The following NSMCE2 variants were observed in gnomAD, a reference collection of about 807,000 sequenced individuals.
NSMCE2 encodes the protein E3 SUMO-protein ligase NSE2.
A neutral mutation model predicts 23.8 loss-of-function variants in NSMCE2; 24 were observed. The ratio of observed to expected loss-of-function variants is 1.01; its 90% confidence interval spans 0.73 to 1.42. The LOEUF is 1.42. NSMCE2 is among the 40% of genes most tolerant of loss of function. The pLI is 0.00. For synonymous variants in NSMCE2, 92 were observed against 94.1 expected, an observed-to-expected ratio of 0.98 and a Z score of 0.13; for missense variants, 284 against 296.5, an observed-to-expected ratio of 0.96 and a Z score of 0.31.
chr8:125,203,482 A>T (rs1183537668), intron 5 of NSMCE2, among the ~76,000 whole-genome samples: 1 of 152,218 alleles, frequency 6.6e-6, no homozygotes, highest in Non-Finnish European at 1.5e-5. Context: ...TCCTACCCCT[A>T]CCTTGTAAAT....
chr8:125,275,006 A>C (rs1303905995), intron 5 of NSMCE2, among the ~76,000 whole-genome samples: 1 of 5,700 alleles, frequency 1.8e-4, no homozygotes. Flanking sequence ...GATGATAATA[A>C]TAATAATAAT....
At chr8:125,315,017 A>T (rs188407997) in intron 5 of NSMCE2, among the ~76,000 whole-genome samples, 7 of 152,314 alleles carry the variant, frequency 4.6e-5, no homozygotes, top group Non-Finnish European at 1.0e-4. Context: ...AAGGAGATAT[A>T]ATTAGGCACA....
chr8:125,172,932 G>A (rs1822291752), intron 4 of NSMCE2, among the ~76,000 whole-genome samples: 1 of 152,066 alleles, frequency 6.6e-6, no homozygotes, highest in African/African-American at 2.4e-5. Flanking sequence ...CATTCACAGG[G>A]GTGAGGAAGG....
At chr8:125,348,715 A>G (rs1812890536) in intron 5 of NSMCE2, 1 of 151,276 alleles carries the variant, frequency 6.6e-6, no homozygotes, top group Non-Finnish European at 1.5e-5. Flanking sequence ...GCCATGTAAG[A>G]CGTCCTTTTT....
intron 5 of NSMCE2, among the ~76,000 whole-genome samples, chr8:125,183,629 T>C (rs2130807048): frequency 7.2e-6 from 1 of 139,040 alleles, no homozygotes; most frequent in East Asian, 2.0e-4. Flanking sequence ...TATTTATTAC[T>C]CAGTGGTGTG....
chr8:125,207,267 C>T lies in NSMCE2; in HGVS notation c.418+25011C>T, dbSNP rs192178455. On this transcript the variant is annotated intron_variant, in intron 5 of 7. Coordinates refer to ENST00000287437, the MANE Select transcript of NSMCE2 (RefSeq NM_173685.4). ...TTAAAGCAATAAAGAGTAAAGGTCA[C>T]ACCTGACTTCTCTTGTCTAATTTTA... 8.2e-4 allele frequency among the ~76,000 whole-genome samples: 125 copies of T among 151,984 alleles called. 1 individual carries two copies. In the Middle Eastern group the frequency reaches 0.017, roughly 21 times the overall value.
chr8:125,282,418 C>G (rs1026736155), intron 5 of NSMCE2, among the ~76,000 whole-genome samples: 1 of 152,052 alleles, frequency 6.6e-6, no homozygotes, highest in Non-Finnish European at 1.5e-5. Context: ...CCGGCAAGAT[C>G]CCTTAATTTT....
At chr8:125,276,744 A>G (rs1398089458) in intron 5 of NSMCE2, among the ~76,000 whole-genome samples, 1 of 152,196 alleles carries the variant, frequency 6.6e-6, no homozygotes, top group Non-Finnish European at 1.5e-5. Context: ...TAATAACCCA[A>G]TGAAGTTAGT....
At chr8:125,353,567 TATA>T (rs1355071844) in intron 5 of NSMCE2, among the ~76,000 whole-genome samples, 11 of 152,120 alleles carry the variant, frequency 7.2e-5, no homozygotes, top group African/African-American at 2.7e-4. Context: ...GCAAACATAC[TATA>T]ATATGGTACC....
intron 5 of NSMCE2, among the ~76,000 whole-genome samples, chr8:125,289,632 T>C (rs6470348): frequency 0.12 from 17,587 of 152,242 alleles, 1,475 homozygotes; most frequent in African/African-American, 0.24. Flanking sequence ...GACATGGCTC[T>C]GCTTATTAAA....
At chr8:125,189,561 G>T (rs1309096016) in intron 5 of NSMCE2, among the ~76,000 whole-genome samples, 1 of 152,194 alleles carries the variant, frequency 6.6e-6, no homozygotes, top group African/African-American at 2.4e-5. Context: ...TCCTAGAACA[G>T]ATTTATTCAA....
At position 125,272,099 on chromosome 8, in the gene NSMCE2, C is replaced by T. The variant is rs561559035; in HGVS notation, c.419-85120C>T. 4.8e-3 allele frequency among the ~76,000 whole-genome samples: 720 copies of T among 150,792 alleles called. 6 individuals carry two copies. Among genetic ancestry groups the T allele is most frequent in the Non-Finnish European group, 7.0e-3 (475 of 67,806 alleles). ...CGCTATCTCAGCTCACTGCAAGCTC[C>T]GCCTCCCGGGTTCACGCCATTCTCC... On this transcript the variant is annotated intron_variant, in intron 5 of 7. Coordinates refer to ENST00000287437, the MANE Select transcript of NSMCE2 (RefSeq NM_173685.4).
intron 7 of NSMCE2, among the ~76,000 whole-genome samples, chr8:125,362,144 G>T (rs541965702): frequency 6.6e-6 from 1 of 152,348 alleles, no homozygotes; most frequent in South Asian, 2.1e-4. Flanking sequence ...CAGCGATGAT[G>T]CGGCAGCTGA....
intron 5 of NSMCE2, among the ~76,000 whole-genome samples, chr8:125,345,412 T>C (rs6981550): frequency 0.79 from 120,593 of 152,182 alleles, 47,960 homozygotes; most frequent in African/African-American, 0.84. Context: ...TTTTCATCTT[T>C]TTATTGTGGT....
intron 4 of NSMCE2, among the ~76,000 whole-genome samples, chr8:125,181,059 G>C (rs1211550649): frequency 6.6e-6 from 1 of 152,200 alleles, no homozygotes; most frequent in African/African-American, 2.4e-5. Flanking sequence ...GGCAGCAGGA[G>C]CATCAGGAAA....
chr8:125,182,260 A>C lies in NSMCE2; in HGVS notation c.418+4A>C. 6.3e-7 allele frequency: 1 copy of C among 1,598,368 alleles called. No individual in the cohort carries two copies. The highest frequency in any genetic ancestry group is 8.5e-7 in the Non-Finnish European group (1 of 1,173,560). On this transcript the variant is annotated splice_donor_region_variant and intron_variant, in intron 5 of 7. Coordinates refer to ENST00000287437, the MANE Select transcript of NSMCE2 (RefSeq NM_173685.4). Reference sequence around the variant, plus strand: ...CTGAAAGAACTAAAGAAGCAATGTAAGTCAACATGCTTTGCTTTGGTTCGG... The same window carrying C: ...CTGAAAGAACTAAAGAAGCAATGTACGTCAACATGCTTTGCTTTGGTTCGG...
chr8:125,114,016 A>T (rs1818882586), intron 3 of NSMCE2, among the ~76,000 whole-genome samples: 1 of 152,188 alleles, frequency 6.6e-6, no homozygotes, highest in African/African-American at 2.4e-5. Context: ...TTAGATTTAG[A>T]CTTGTTTTTA....
chr8:125,305,288 A>G (rs1225966763), intron 5 of NSMCE2, among the ~76,000 whole-genome samples: 1 of 152,224 alleles, frequency 6.6e-6, no homozygotes, highest in East Asian at 1.9e-4. Flanking sequence ...TTGCCATTTT[A>G]CTACTGTGAA....
At chr8:125,283,425 G>C (rs1278768232) in intron 5 of NSMCE2, among the ~76,000 whole-genome samples, 2 of 152,158 alleles carry the variant, frequency 1.3e-5, no homozygotes, top group African/African-American at 4.8e-5. Context: ...TGCAGTCCCA[G>C]CTACTTGGGA....
Sources: allele counts gnomAD v4.1 joint callset (sites outside exome capture counted in the v4.1 genomes callset), GRCh38; gene constraint gnomAD v4.1.1; transcripts MANE v1.5; gene names NCBI Gene and HGNC (gene_info 2026-07-23, HGNC 2026-07-21).